The following DCAF1 variants were observed in gnomAD, a reference collection of about 807,000 sequenced individuals.
The protein encoded by DCAF1 is DDB1- and CUL4-associated factor 1.
A neutral mutation model predicts 128.0 loss-of-function variants in DCAF1; 15 were observed. The observed-to-expected ratio is 0.12, with a 90% CI of 0.08 to 0.18. The LOEUF is 0.18. Ranked by LOEUF, DCAF1 falls within the 10% of genes least tolerant of loss-of-function variation. The pLI, the probability that DCAF1 is intolerant of heterozygous loss-of-function variation, is 1.00. For missense variants in DCAF1, 988 were observed against 1,649.5 expected (o/e 0.60, Z 6.95); for synonymous variants, 610 against 603.0 (o/e 1.01, Z -0.17).
intron 5 of DCAF1, among the ~76,000 whole-genome samples, chr3:51,465,328 C>T (rs1454572105): frequency 7.2e-5 from 11 of 151,974 alleles, no homozygotes; most frequent in South Asian, 2.1e-4. Context: ...TGGTCAGACA[C>T]GTAAAATTCG....
intron 18 of DCAF1, among the ~76,000 whole-genome samples, chr3:51,415,496 AAAAT>A (rs1170345930): frequency 7.9e-5 from 12 of 152,286 alleles, no homozygotes; most frequent in East Asian, 5.8e-4. Flanking sequence ...CCCTGTCTCA[AAAAT>A]AAATAAATAA....
At chr3:51,493,791 T>G (rs1157282276) in intron 2 of DCAF1, among the ~76,000 whole-genome samples, 1 of 151,942 alleles carries the variant, frequency 6.6e-6, no homozygotes, top group Non-Finnish European at 1.5e-5. Context: ...AGGTCAACAG[T>G]TCGAGACCAG....
At chr3:51,452,546 C>A (rs1251972858) in intron 6 of DCAF1, among the ~76,000 whole-genome samples, 5 of 151,994 alleles carry the variant, frequency 3.3e-5, no homozygotes, top group Non-Finnish European at 7.4e-5. Flanking sequence ...AATTAGGAAA[C>A]GATAAAATTG....
Position 51,398,821 on chromosome 3 carries a change from C to T in DCAF1, c.4472G>A (p.Ser1491Asn). The T allele has an allele frequency of 6.3e-7, 1 of 1,585,306 alleles. No homozygotes were observed. Among genetic ancestry groups the T allele is most frequent in the Non-Finnish European group, 8.6e-7 (1 of 1,164,826 alleles). The change falls in exon 25 of 25, where the codon AGC (serine) becomes AAC (asparagine). Residue 1491 changes from serine to asparagine, a missense_variant. By Grantham distance (46) the Ser-to-Asn change is conservative. Around this residue, in one of 11 missense-constraint regions of DCAF1, gnomAD observed 97 missense variants for 134.5 expected, o/e 0.72. Transcript: ENST00000684031. ...ATCTTCCAAATCAGAGTTGTCAGAG[C>T]TGTCAGCTGAAAGGGAAGAAAAGGG... is the stretch of plus-strand genomic sequence containing the variant. ...EVELILGDTD[S>N]SDNSDLEDDI...
chr3:51,417,177 A>G (rs572725164), intron 17 of DCAF1, among the ~76,000 whole-genome samples: 63 of 152,166 alleles, frequency 4.1e-4, no homozygotes, highest in Middle Eastern at 3.4e-3. Context: ...CAGCACTTTG[A>G]GAGGCTGAGG....
chr3:51,457,509 A>C (rs974138072), intron 6 of DCAF1, among the ~76,000 whole-genome samples: 1 of 152,226 alleles, frequency 6.6e-6, no homozygotes, highest in African/African-American at 2.4e-5. Flanking sequence ...ATCCAGGAGA[A>C]CTTCCCCAAT....
At chr3:51,396,138 TCTTC>T (rs2089188206), downstream of DCAF1, 2 of 401,630 alleles carry the variant, frequency 5.0e-6, no homozygotes, top group Non-Finnish European at 9.1e-6. Flanking sequence ...GGGCTACCTA[TCTTC>T]CTTCATGAAG....
chr3:51,485,776 A>T (rs1468707463), intron 2 of DCAF1, among the ~76,000 whole-genome samples: 2 of 152,264 alleles, frequency 1.3e-5, no homozygotes, highest in Non-Finnish European at 2.9e-5. Context: ...GTTTTAATCA[A>T]GTAGATGCAA....
rs1553628774 is a variant in DCAF1 at position 51,412,498 on chromosome 3, G to C, written c.4111-18C>G. 6 of 1,613,600 alleles carry C rather than the reference G, an allele frequency of 3.7e-6. No individual in the cohort carries two copies. Among genetic ancestry groups the C allele is most frequent in the Non-Finnish European group, 5.1e-6 (6 of 1,179,800 alleles). On this transcript the variant is annotated intron_variant, in intron 22 of 24. Coordinates refer to ENST00000684031, the MANE Select transcript of DCAF1 (RefSeq NM_001387579.1). ...CCTTGATTCTGAAATAGAACATCCAGTCCATAAGGAGCAGTTACTTTTCAG... is the reference window on the plus strand; with the variant it reads ...CCTTGATTCTGAAATAGAACATCCACTCCATAAGGAGCAGTTACTTTTCAG...
At chr3:51,424,402 C>CAAAAAAAAAAAAAAAAA (rs560911942) in intron 13 of DCAF1, among the ~76,000 whole-genome samples, 1 of 101,120 alleles carries the variant, frequency 9.9e-6, no homozygotes. Context: ...GACTCTGCCT[C>CAAAAAAAAAAAAAAAAA]AAAAAAAAAA....
At chr3:51,428,254 C>T (rs1322863631) in intron 12 of DCAF1, among the ~76,000 whole-genome samples, 5 of 150,008 alleles carry the variant, frequency 3.3e-5, no homozygotes, top group East Asian at 3.9e-4. Flanking sequence ...CGATCACGTG[C>T]GGCCTCAAAC....
chr3:51,441,361 C>A (rs1009102774), intron 8 of DCAF1, 24 bp downstream of exon 8: 1 of 1,598,860 alleles, frequency 6.3e-7, no homozygotes, highest in African/African-American at 1.3e-5. Flanking sequence ...TATGTGTGAA[C>A]AGTACTCTTC....
chr3:51,478,420 GA>G (rs1705748502), intron 3 of DCAF1, among the ~76,000 whole-genome samples: 1 of 152,146 alleles, frequency 6.6e-6, no homozygotes, highest in Non-Finnish European at 1.5e-5. Flanking sequence ...GATAAAATAT[GA>G]TAATGTAAAA....
At chr3:51,416,930 C>T in intron 17 of DCAF1, 59 bp from the exon 18 acceptor site, 1 of 1,554,034 alleles carries the variant, frequency 6.4e-7, no homozygotes, top group Non-Finnish European at 8.7e-7. Flanking sequence ...TTCCTGCAAC[C>T]AACTGAAACA....
chr3:51,405,213 T>C (rs2090021116), intron 23 of DCAF1, among the ~76,000 whole-genome samples: 2 of 152,206 alleles, frequency 1.3e-5, no homozygotes, highest in Admixed American at 6.5e-5. Flanking sequence ...AGTGTGTACA[T>C]GAAAGGTTAA....
At chr3:51,418,003 A>C in intron 17 of DCAF1, 113 bp downstream of exon 17, 1 of 1,362,562 alleles carries the variant, frequency 7.3e-7, no homozygotes. Context: ...AGAAGTTAAC[A>C]ATAACCGACA....
chr3:51,401,994 G>T (rs2089736722), intron 24 of DCAF1, among the ~76,000 whole-genome samples: 1 of 149,822 alleles, frequency 6.7e-6, no homozygotes, highest in Non-Finnish European at 1.5e-5. Flanking sequence ...TCAAAATACA[G>T]CCTTGGTAAG....
chr3:51,424,131 TA>T (rs1175523482), intron 13 of DCAF1, among the ~76,000 whole-genome samples: 1 of 151,976 alleles, frequency 6.6e-6, no homozygotes, highest in Non-Finnish European at 1.5e-5. Context: ...CTTTTGTAGT[TA>T]AAAAAGAAAA....
chr3:51,440,955 T>C lies in DCAF1; in HGVS notation c.1128+15A>G. ...TAAAAAATCCCCGGTGACCCAATAT[T>C]TTTAAGAACTTTACCTTTAGTGCCT... is the stretch of plus-strand genomic sequence containing the variant. On this transcript the variant is annotated intron_variant, in intron 9 of 24. Transcript: ENST00000684031. The C allele has an allele frequency of 6.3e-7, 1 of 1,594,966 alleles. No individual in the cohort carries two copies. The highest frequency in any genetic ancestry group is 8.5e-7 in the Non-Finnish European group (1 of 1,171,812).
Sources: gnomAD v4.1 joint callset for allele counts (sites outside exome capture counted in the v4.1 genomes callset) on GRCh38, gnomAD v4.1.1 for gene constraint, gnomAD v4.1.1 regional missense constraint, MANE v1.5 for transcripts, NCBI Gene and HGNC (gene_info 2026-07-23, HGNC 2026-07-21) for gene names.